MID2: variants seen among roughly 807,000 people sequenced by gnomAD.
MID2 encodes the protein midline 2, also known as probable E3 ubiquitin-protein ligase MID2.
MID2 carries 13 observed loss-of-function variants against 46.1 expected under a neutral mutation model. That is an observed-to-expected ratio of 0.28 (90% CI 0.18 to 0.45). The LOEUF (loss-of-function observed/expected upper bound fraction) is 0.45. Ranked by LOEUF, MID2 falls within the 20% of genes least tolerant of loss-of-function variation. The pLI, the probability that MID2 is intolerant of heterozygous loss-of-function variation, is 1.00. For synonymous variants in MID2, 199 were observed against 212.3 expected, an observed-to-expected ratio of 0.94 and a Z score of 0.55; for missense variants, 431 against 575.4, an observed-to-expected ratio of 0.75 and a Z score of 2.57.
At chrX:107,850,161 T>C (rs1931578106) in intron 2 of MID2, among the ~76,000 whole-genome samples, 1 of 101,783 alleles carries the variant, frequency 9.8e-6, no homozygotes, top group Admixed American at 1.0e-4. Flanking sequence ...ATATAGAGAT[T>C]TTAGACACAC....
intron 3 of MID2, among the ~76,000 whole-genome samples, chrX:107,875,878 A>AT (rs1932188211): frequency 9.0e-6 from 1 of 111,427 alleles, no homozygotes; most frequent in Non-Finnish European, 1.9e-5. Flanking sequence ...CCTCCCTTTG[A>AT]TTTTCAGAAC....
chrX:107,866,644 G>C (rs992360363), intron 3 of MID2, among the ~76,000 whole-genome samples: 10 of 111,923 alleles, frequency 8.9e-5, no homozygotes, highest in African/African-American at 2.9e-4. Flanking sequence ...TATAGTAGCA[G>C]GTGTATTAAG....
intron 1 of MID2, among the ~76,000 whole-genome samples, chrX:107,826,888 G>T (rs909644690): frequency 8.8e-6 from 1 of 113,522 alleles, no homozygotes; most frequent in African/African-American, 3.2e-5. Flanking sequence ...CGCAGCAGCC[G>T]GCGTGGCTGC....
At chrX:107,907,450 T>C (rs1345885848) in intron 5 of MID2, among the ~76,000 whole-genome samples, 1 of 112,205 alleles carries the variant, frequency 8.9e-6, no homozygotes, top group African/African-American at 3.2e-5. Context: ...TGAACACACT[T>C]AGGTCCACAT....
At chrX:107,845,142 G>C (rs1931433077) in intron 2 of MID2, among the ~76,000 whole-genome samples, 1 of 111,550 alleles carries the variant, frequency 9.0e-6, no homozygotes, top group African/African-American at 3.3e-5. Flanking sequence ...GCTAGCAAAA[G>C]TATGGCATGT....
At chrX:107,914,324 T>C (rs1474535171) in intron 5 of MID2, among the ~76,000 whole-genome samples, 1 of 112,282 alleles carries the variant, frequency 8.9e-6, no homozygotes, top group Non-Finnish European at 1.9e-5. Flanking sequence ...GCTAATTTTC[T>C]AGATTAACTG....
intron 7 of MID2, 129 bp downstream of exon 7, chrX:107,917,868 G>T: frequency 1.9e-6 from 1 of 537,389 alleles, no homozygotes; most frequent in Non-Finnish European, 3.1e-6. Context: ...CTGGGCAGTT[G>T]CTGGGGCCAT....
In MID2 at chrX:107,879,814, T is replaced by G. The variant is rs188095871; in HGVS notation, c.817-24144T>G. On this transcript the variant is annotated intron_variant, in intron 3 of 9. Transcript: ENST00000262843. ...TTTACAGGATAGTGATCAGAGATGG[T>G]AAACTATAAACTTTTTCTTCATGAT... 1.7e-4 allele frequency among the ~76,000 whole-genome samples: 19 copies of G among 111,369 alleles called. No homozygotes were observed. The East Asian group carries it at 4.8e-3, about 28-fold the overall frequency.
chrX:107,916,126 A>T lies in MID2; in HGVS notation c.1198A>T (p.Thr400Ser). 1.7e-6 allele frequency: 2 copies of T among 1,178,621 alleles called. No homozygotes were observed. Among genetic ancestry groups the T allele is most frequent in the Non-Finnish European group, 2.3e-6 (2 of 881,760 alleles). The change falls in exon 6 of 10, where the codon ACA (threonine) becomes TCA (serine). Residue 400 changes from threonine to serine, a missense_variant. Thr to Ser is a moderately conservative substitution (Grantham distance 58, BLOSUM62 1). Transcript: ENST00000262843. Reference protein sequence around the residue: ...KKLLEGLDYLTAPNPPSIREE... With the variant: ...KKLLEGLDYLSAPNPPSIREE... ...ACTGCTAGAGGGGTTAGATTATTTA[A>T]CAGGTGTGAAAATACTGTGCTTTCC... is the stretch of plus-strand genomic sequence containing the variant.
At chrX:107,882,949 C>T (rs976986366) in intron 3 of MID2, among the ~76,000 whole-genome samples, 2 of 112,055 alleles carry the variant, frequency 1.8e-5, no homozygotes, top group Admixed American at 9.5e-5. Context: ...TTAGAACCAA[C>T]CCAAATGTCC....
At chrX:107,894,376 A>T (rs2147857199) in intron 3 of MID2, among the ~76,000 whole-genome samples, 1 of 111,621 alleles carries the variant, frequency 9.0e-6, no homozygotes, top group South Asian at 3.8e-4. Flanking sequence ...ATTTATTTTA[A>T]CACAGGGAAA....
chrX:107,850,837 G>T (rs1460162994), intron 2 of MID2, among the ~76,000 whole-genome samples: 1 of 111,889 alleles, frequency 8.9e-6, no homozygotes, highest in Non-Finnish European at 1.9e-5. Flanking sequence ...ACATAGCAGA[G>T]ATTTTGCTAT....
At chrX:107,885,508 A>T (rs1456373301) in intron 3 of MID2, among the ~76,000 whole-genome samples, 1 of 110,688 alleles carries the variant, frequency 9.0e-6, no homozygotes, top group Non-Finnish European at 1.9e-5. Flanking sequence ...CATTTTTTTG[A>T]TCCAGTCTAT....
Position 107,928,085 on chromosome X carries a change from T to C in MID2, c.*1012T>C, listed in dbSNP as rs867073882. On this transcript the variant is annotated 3_prime_UTR_variant, in exon 10 of 10. Coordinates refer to ENST00000262843, the MANE Select transcript of MID2 (RefSeq NM_012216.4). ...TTTACTACTCCCAAGTACACACAGT[T>C]ATGAGAATTAGGCTTTTAAAAAGTT... 4.5e-4 allele frequency among the ~76,000 whole-genome samples: 50 copies of C among 111,757 alleles called. No homozygotes were observed. The highest frequency in any genetic ancestry group is 1.6e-3 in the African/African-American group (49 of 30,746).
intron 2 of MID2, among the ~76,000 whole-genome samples, chrX:107,849,211 GAT>G (rs1450297617): frequency 8.9e-6 from 1 of 112,094 alleles, no homozygotes; most frequent in Non-Finnish European, 1.9e-5. Context: ...CAGTGGAAAT[GAT>G]ATGTTTCAAT....
chrX:107,915,895 C>T, intron 5 of MID2, 107 bp from the exon 6 acceptor site: 1 of 733,265 alleles, frequency 1.4e-6, no homozygotes, highest in Non-Finnish European at 2.0e-6. Flanking sequence ...CTAAATAAAT[C>T]AAGCCTTACA....
chrX:107,914,191 G>C (rs143268085), intron 5 of MID2, among the ~76,000 whole-genome samples: 1 of 112,374 alleles, frequency 8.9e-6, no homozygotes, highest in African/African-American at 3.2e-5. Context: ...AGCAAAGCTT[G>C]TTCACTTTGT....
chrX:107,852,277 T>C (rs1483068394), intron 2 of MID2, among the ~76,000 whole-genome samples: 1 of 112,334 alleles, frequency 8.9e-6, no homozygotes, highest in Non-Finnish European at 1.9e-5. Flanking sequence ...TAAAATTCTG[T>C]TTATCCTTCA....
At chrX:107,918,828 TCTCC>T (rs1280231328) in intron 7 of MID2, among the ~76,000 whole-genome samples, 3 of 112,226 alleles carry the variant, frequency 2.7e-5, no homozygotes, top group African/African-American at 9.7e-5. Context: ...AAAGCAGTCA[TCTCC>T]CAGGAATTAA....
Sources: allele counts gnomAD v4.1 joint callset (sites outside exome capture counted in the v4.1 genomes callset), GRCh38; gene constraint gnomAD v4.1.1; transcripts MANE v1.5; gene names NCBI Gene and HGNC (gene_info 2026-07-23, HGNC 2026-07-21).